PRRT4: variants seen among roughly 807,000 people sequenced by gnomAD.
PRRT4 encodes the protein proline rich transmembrane protein 4.
Under a neutral mutation model 55.6 loss-of-function variants are expected in PRRT4, and 59 were observed. The ratio of observed to expected loss-of-function variants is 1.06; its 90% CI spans 0.86 to 1.32. The LOEUF (loss-of-function observed/expected upper bound fraction) is 1.32, where lower values mean the gene tolerates loss of function less well. PRRT4 is among the 40% of genes most tolerant of loss of function. PRRT4 has a pLI of 0.00. For missense variants in PRRT4, 1,217 were observed against 1,222.0 expected (o/e 1.00, Z 0.06); for synonymous variants, 606 against 601.8 (o/e 1.01, Z -0.10).
At chr7:128,350,800 G>A (rs946912920), downstream of PRRT4, 10 of 1,537,484 alleles carry the variant, frequency 6.5e-6, no homozygotes, top group African/African-American at 6.9e-5. Context: ...TGCAGGTCTC[G>A]GGCAGGGCAG....
intron 4 of PRRT4, among the ~76,000 whole-genome samples, chr7:128,353,328 T>C (rs1030698591): frequency 1.3e-5 from 2 of 152,108 alleles, no homozygotes; most frequent in Non-Finnish European, 2.9e-5. Flanking sequence ...TGCTTATCTC[T>C]TGTTCTGCAC....
exon 5 of PRRT4, chr7:128,352,217 C>G: frequency 6.5e-7 from 1 of 1,529,646 alleles, no homozygotes; most frequent in South Asian, 1.2e-5. Flanking sequence ...AGCCCCAGGC[C>G]GGCAGCCAAG....
chr7:128,361,469 G>T, intron 1 of PRRT4, 47 bp from the exon 2 acceptor site: 1 of 153,460 alleles, frequency 6.5e-6, no homozygotes, highest in South Asian at 1.8e-4. Context: ...TCCAGCCCCC[G>T]GCGGCCCCTC....
intron 4 of PRRT4, among the ~76,000 whole-genome samples, chr7:128,357,821 C>T (rs1240081956): frequency 5.3e-5 from 8 of 152,220 alleles, no homozygotes; most frequent in Non-Finnish European, 1.2e-4. Flanking sequence ...CAGAACCTCT[C>T]CTCCAGCTCC....
chr7:128,361,797 G>A (rs140078792), upstream of PRRT4: 5,456 of 152,536 alleles, frequency 0.036, 140 homozygotes, highest in Middle Eastern at 0.074. Context: ...ACCCGGGCGG[G>A]CAGGCAGGCG....
chr7:128,358,565 G>A lies in PRRT4; in HGVS notation c.877+116C>T. On this transcript the variant is annotated intron_variant, in intron 4 of 4. Transcript: ENST00000535159. This position sits in a 1 kb window ranked among gnomAD's most constrained non-coding sequence, Gnocchi z 4.4. ...TCTCCACGGTGATGATGAAGAGAAT[G>A]ATGATTATGATTATGATGACAATGA... The A allele has an allele frequency of 1.1e-6, 1 of 900,022 alleles. No individual in the cohort carries two copies. 55.8% of individuals were successfully genotyped at this position (900,022 alleles called of 1,614,324 possible).
At chr7:128,351,778 C>A in exon 5 of PRRT4, 2 of 1,427,856 alleles carry the variant, frequency 1.4e-6, no homozygotes, top group Non-Finnish European at 1.8e-6. Flanking sequence ...GGGCCAGGGC[C>A]CTTCCAGGCC....
chr7:128,359,499 G>A (rs956505291), exon 2 of PRRT4: 1 of 1,466,724 alleles, frequency 6.8e-7, no homozygotes, highest in South Asian at 1.4e-5. Context: ...GCACTGGATG[G>A]AAGTGCTGTC....
At chr7:128,350,735 G>A, downstream of PRRT4, 1 of 1,447,790 alleles carries the variant, frequency 6.9e-7, no homozygotes, top group East Asian at 2.5e-5. Flanking sequence ...CCCTGGATGG[G>A]GAAGGAATCT....
exon 2 of PRRT4, chr7:128,359,496 A>C (rs1267201395): frequency 6.1e-6 from 9 of 1,465,774 alleles, no homozygotes; most frequent in Non-Finnish European, 9.0e-7. Flanking sequence ...GGAGCACTGG[A>C]TGGAAGTGCT....
exon 2 of PRRT4, chr7:128,359,674 T>C: frequency 6.4e-7 from 1 of 1,551,176 alleles, no homozygotes; most frequent in Non-Finnish European, 8.7e-7. Flanking sequence ...GAGAGTTCCC[T>C]GAGGAGCCCA....
At chr7:128,361,403 T>C (rs1797254518) in intron 1 of PRRT4, 1 of 152,220 alleles carries the variant, frequency 6.6e-6, no homozygotes, top group Admixed American at 6.5e-5. Flanking sequence ...CAACGCTTCG[T>C]GGTATCTCAC....
intron 4 of PRRT4, among the ~76,000 whole-genome samples, chr7:128,357,205 C>G (rs1367875231): frequency 7.8e-6 from 1 of 127,804 alleles, no homozygotes; most frequent in Non-Finnish European, 1.7e-5. Flanking sequence ...CTGCTTGATA[C>G]AAATACACAC....
chr7:128,355,161 G>T (rs1797087827), intron 4 of PRRT4, among the ~76,000 whole-genome samples: 1 of 152,118 alleles, frequency 6.6e-6, no homozygotes, highest in South Asian at 2.1e-4. Flanking sequence ...CTCACTTTAT[G>T]AACTCTGTTT....
exon 5 of PRRT4, chr7:128,352,418 G>T: frequency 2.0e-6 from 3 of 1,537,270 alleles, no homozygotes; most frequent in Non-Finnish European, 2.6e-6. Flanking sequence ...AGCAGCGCCA[G>T]CAAGGCAACC....
At chr7:128,355,986 G>A (rs1437031448) in intron 4 of PRRT4, among the ~76,000 whole-genome samples, 1 of 152,132 alleles carries the variant, frequency 6.6e-6, no homozygotes, top group African/African-American at 2.4e-5. Flanking sequence ...TCCAGGCTGG[G>A]CTGGTGGCTC....
At chr7:128,352,390 G>T in exon 5 of PRRT4, 6 of 1,524,544 alleles carry the variant, frequency 3.9e-6, no homozygotes, top group African/African-American at 1.4e-5. Context: ...GCACCGCCAG[G>T]GCAAGAGGGC....
At chr7:128,351,608 G>A in exon 5 of PRRT4, 1 of 1,507,390 alleles carries the variant, frequency 6.6e-7, no homozygotes, top group Non-Finnish European at 8.8e-7. Context: ...CAGCCTCCCG[G>A]CAGCAGCGGA....
exon 5 of PRRT4, chr7:128,351,898 G>T: frequency 3.0e-6 from 4 of 1,325,652 alleles, no homozygotes; most frequent in Middle Eastern, 5.6e-4. Flanking sequence ...GCGCCGCCAG[G>T]ACTCCCGAGG....
Sources: allele counts gnomAD v4.1 joint callset (sites outside exome capture counted in the v4.1 genomes callset), GRCh38; gene constraint gnomAD v4.1.1; non-coding constraint Gnocchi (gnomAD v3.1); transcripts MANE v1.5; gene names NCBI Gene and HGNC (gene_info 2026-07-23, HGNC 2026-07-21).